The following TTN variants were observed in gnomAD, a reference collection of about 807,000 sequenced individuals.
TTN encodes titin.
In TTN, 1,525 loss-of-function variants were observed where a neutral mutation model predicts 3,223.0. The observed-to-expected ratio is 0.47, with a 90% CI of 0.45 to 0.49. The LOEUF (loss-of-function observed/expected upper bound fraction) is 0.49. Among genes scored for constraint, TTN ranks in the 20% least tolerant of loss-of-function variants. The probability of loss-of-function intolerance (pLI) is 0.00; values close to 1 mark genes in which losing one functional copy is unlikely to be tolerated. For synonymous variants in TTN, 14,094 were observed against 15,161.0 expected (o/e 0.93, Z 5.17); for missense variants, 40,786 against 43,424.0 (o/e 0.94, Z 5.40).
At chr2:178,597,480 G>T in intron 294 of TTN, 58 bp downstream of exon 294, 1 of 1,538,506 alleles carries the variant, frequency 6.5e-7, no homozygotes, top group Non-Finnish European at 8.8e-7. Flanking sequence ...ATAGCTTTGT[G>T]TAAATATAAT....
chr2:178,701,044 G>A (rs2154288863), intron 111 of TTN, 76 bp downstream of exon 111: 2 of 1,401,114 alleles, frequency 1.4e-6, no homozygotes, highest in Admixed American at 1.8e-5. Context: ...GGGCCAATGC[G>A]TTGTATTAAG....
intron 341 of TTN, 32 bp from the exon 342 acceptor site, chr2:178,546,534 A>G (rs767622935): frequency 1.3e-5 from 20 of 1,598,820 alleles, no homozygotes; most frequent in Non-Finnish European, 1.6e-5. Context: ...ATGAATGAAT[A>G]TCTGAGAGTT....
chr2:178,734,570 T>C lies in TTN; in HGVS notation c.15254A>G (p.Asp5085Gly). The C allele has an allele frequency of 1.3e-6, 2 of 1,587,348 alleles. No homozygotes were observed. The highest frequency in any genetic ancestry group is 1.7e-6 in the Non-Finnish European group (2 of 1,166,418). ...TAGAGCATTTGTTCCTCTCACTATGTCTGCAGGCTCAAGAGTTTTGATGAA... is the reference window on the plus strand; with the variant it reads ...TAGAGCATTTGTTCCTCTCACTATGCCTGCAGGCTCAAGAGTTTTGATGAA... Reference protein sequence around the residue: ...PSFIKTLEPADIVRGTNALLQ... With the variant: ...PSFIKTLEPAGIVRGTNALLQ... The change falls in exon 52 of 363, where the codon GAC becomes GGC. Residue 5085 changes from aspartate to glycine, a missense_variant. Physicochemically the swap from Asp to Gly is moderately conservative, Grantham distance 94. Transcript: ENST00000589042.
Position 178,606,968 on chromosome 2 carries a change from A to G in TTN, c.53581+53T>C, listed in dbSNP as rs184138990. ...GAAGCCATAAAGCTCAGTAAATAAT[A>G]TAACTAGAAGCAAAACATTACTCTA... On this transcript the variant is annotated intron_variant, in intron 278 of 362. Coordinates refer to ENST00000589042, the MANE Select transcript of TTN (RefSeq NM_001267550.2). 5 of 1,562,800 alleles carry G rather than the reference A, an allele frequency of 3.2e-6. No homozygotes were observed. In the East Asian group the frequency reaches 9.1e-5, roughly 28 times the overall value.
Position 178,706,697 on chromosome 2 carries a change from A to G in TTN, c.29177T>C (p.Ile9726Thr). 6.2e-7 allele frequency: 1 copy of G among 1,612,926 alleles called. No individual in the cohort carries two copies. Among genetic ancestry groups the G allele is most frequent in the Non-Finnish European group, 8.5e-7 (1 of 1,179,112 alleles). ...TFIAKVGGDP[I>T]PNVKWTKGKW... ...CCCTTTTGTCCATTTAACATTTGGGATTGGGTCACCTCCAACTTTTGCAAT... is the reference window on the plus strand; with the variant it reads ...CCCTTTTGTCCATTTAACATTTGGGGTTGGGTCACCTCCAACTTTTGCAAT... The change falls in exon 102 of 363, where the codon ATC becomes ACC. Residue 9726 changes from isoleucine to threonine, a missense_variant. Transcript: ENST00000589042.
At chr2:178,540,026 C>G in intron 351 of TTN, 42 bp downstream of exon 351, 1 of 1,598,068 alleles carries the variant, frequency 6.3e-7, no homozygotes, top group Non-Finnish European at 8.5e-7. Context: ...AGAAATAAGT[C>G]TATGGCAATT....
chr2:178,529,107 T>G lies in TTN; in HGVS notation c.106644A>C (p.Glu35548Asp). Residue 35548 changes from glutamate to aspartate, a missense_variant, in exon 360 of 363, where the codon GAA becomes GAC. By Grantham distance (45) the Glu-to-Asp change is conservative (BLOSUM62 2). Transcript: ENST00000589042. ...ATTTTGCCTCTGACATCTTAATTTC[T>G]TCAGACCTTAGGGCTTTTTGGGAAA... The part of the protein sequence containing the change: ...EEISQKALRS[E>D]EIKMSEAKSQ... The G allele has an allele frequency of 6.2e-7, 1 of 1,610,674 alleles. No individual in the cohort carries two copies. The highest frequency in any genetic ancestry group is 8.5e-7 in the Non-Finnish European group (1 of 1,178,488).
At chr2:178,627,982 C>T (rs1291787201) in intron 240 of TTN, among the ~76,000 whole-genome samples, 3 of 151,958 alleles carry the variant, frequency 2.0e-5, no homozygotes, top group Non-Finnish European at 4.4e-5. Flanking sequence ...AGGTGCCTCC[C>T]TCAGTTCAAT....
rs751447529 is a variant in TTN at position 178,692,047 on chromosome 2, C to T, written c.31731G>A (p.Val10577=). The T allele has an allele frequency of 6.8e-6, 11 of 1,613,050 alleles. No homozygotes were observed. The highest frequency in any genetic ancestry group is 8.5e-6 in the Non-Finnish European group (10 of 1,179,356). ...PVPEEKKPVP[V]PKKEPAAPPK... ...GGGGAGCAGCAGGTTCCTTCTTAGG[C>T]ACAGGAACTGGCTTTTTCTCCTCTG... Residue 10577 remains valine (V), a synonymous_variant, in exon 121 of 363, where the codon GTG becomes GTA. Transcript: ENST00000589042.
At chr2:178,587,825 A>G (rs968657165) in intron 305 of TTN, 25 bp from the exon 306 acceptor site, 1 of 1,571,098 alleles carries the variant, frequency 6.4e-7, no homozygotes, top group Non-Finnish European at 8.6e-7. Context: ...AAGGTCATTA[A>G]TTGATTTTTC....
intron 278 of TTN, among the ~76,000 whole-genome samples, chr2:178,606,583 C>T (rs1383625295): frequency 6.6e-6 from 1 of 151,894 alleles, no homozygotes; most frequent in East Asian, 2.0e-4. Context: ...CCTCTCTATC[C>T]TTCCAGTATG....
At position 178,673,640 on chromosome 2, in the gene TTN, TG is replaced by T; in HGVS notation, c.34778del (p.Pro11593GlnfsTer68). 6.3e-7 allele frequency: 1 copy of T among 1,593,990 alleles called. No individual in the cohort carries two copies. Among genetic ancestry groups the T allele is most frequent in the Admixed American group, 1.8e-5 (1 of 56,502 alleles). On this transcript the variant is annotated frameshift_variant, in exon 152 of 363. Coordinates refer to ENST00000589042, the MANE Select transcript of TTN (RefSeq NM_001267550.2). LOFTEE classifies it high-confidence loss of function. ...AATGAGGATTTGATATACCTTTAGC[TG>T]GTGGTGCCTCCACTTTTTTAGGAAC... ...TPVPKKVEAP[P>X]AKVSKKIPEE...
Position 178,635,518 on chromosome 2 carries a change from T to G in TTN, c.41806A>C (p.Asn13936His). 3 of 1,600,644 alleles carry G rather than the reference T, an allele frequency of 1.9e-6. No individual in the cohort carries two copies. Among genetic ancestry groups the G allele is most frequent in the Non-Finnish European group, 2.6e-6 (3 of 1,172,526 alleles). Residue 13936 changes from asparagine to histidine, a missense_variant, in exon 227 of 363, where the codon AAT becomes CAT. Physicochemically the swap from Asn to His is moderately conservative, Grantham distance 68 (BLOSUM62 1). Coordinates refer to ENST00000589042, the MANE Select transcript of TTN (RefSeq NM_001267550.2). ...TCAGCAATATCTTCTGGCATAGCATTCTTAATTTTGAGGTACAGATGATTT... is the reference window on the plus strand; with the variant it reads ...TCAGCAATATCTTCTGGCATAGCATGCTTAATTTTGAGGTACAGATGATTT... ...DGNHLYLKIK[N>H]AMPEDIAEYA... is the part of the protein sequence containing the mutation.
In TTN at chr2:178,553,127, T is replaced by A. The variant is rs780250655; in HGVS notation, c.89773A>T (p.Thr29925Ser). 1 of 1,612,494 alleles carries A rather than the reference T, an allele frequency of 6.2e-7. No individual in the cohort carries two copies. Among genetic ancestry groups the A allele is most frequent in the South Asian group, 1.1e-5 (1 of 91,038 alleles). ...GTGTCAAGCACTTTAACACTCACAGTTGAAGACTTAGGTTCACCAACTCCA... is the reference window on the plus strand; with the variant it reads ...GTGTCAAGCACTTTAACACTCACAGATGAAGACTTAGGTTCACCAACTCCA... The part of the protein sequence containing the change: ...ENGVGEPKSS[T>S]VSVKVLDTPA... Residue 29925 changes from threonine (T) to serine (S), a missense_variant, in exon 335 of 363, where the codon ACT (threonine) becomes TCT (serine). Physicochemically the swap from Thr to Ser is moderately conservative, Grantham distance 58. Transcript: ENST00000589042.
Position 178,620,414 on chromosome 2 carries a change from A to C in TTN, c.46107T>G (p.Gly15369=), listed in dbSNP as rs1297146300. The change falls in exon 248 of 363, where the codon GGT becomes GGG. Residue 15369 remains glycine, a synonymous_variant. Coordinates refer to ENST00000589042, the MANE Select transcript of TTN (RefSeq NM_001267550.2). The stretch of plus-strand genomic sequence containing the variant: ...CTTGTCCAGCAGTGACAATGTATTC[A>C]CCTTCATCTGGGAAGCCACAGTCTT... ...TIKDCGFPDE[G]EYIVTAGQDK... 1 of 1,612,220 alleles carries C rather than the reference A, an allele frequency of 6.2e-7. No homozygotes were observed. The highest frequency in any genetic ancestry group is 1.1e-5 in the South Asian group (1 of 90,982).
Position 178,702,076 on chromosome 2 carries a change from A to T in TTN, c.30512-10T>A, listed in dbSNP as rs1577668305. The stretch of plus-strand genomic sequence containing the variant: ...AGCTCAAGTTTGATTTCTGCAAAAT[A>T]AAAAAAAAATGATATTTTTGTGTTC... On this transcript the variant is annotated splice_polypyrimidine_tract_variant and intron_variant, in intron 108 of 362. Transcript: ENST00000589042. 3 of 1,385,856 alleles carry T rather than the reference A, an allele frequency of 2.2e-6. No homozygotes were observed. The highest frequency in any genetic ancestry group is 5.0e-5 in the East Asian group (2 of 39,868). 85.8% of individuals were successfully genotyped at this position (1,385,856 alleles called of 1,614,324 possible). A position where few individuals can be genotyped will look rare whatever the true frequency, so the allele number is the denominator to read the frequency against.
chr2:178,748,834 T>G, intron 47 of TTN: 1 of 1,612,168 alleles, frequency 6.2e-7, no homozygotes, highest in Non-Finnish European at 8.5e-7. Context: ...ATGAATCTGA[T>G]TCAGTATTTG....
chr2:178,759,229 T>C, intron 43 of TTN, 57 bp from the exon 44 acceptor site: 4 of 1,560,120 alleles, frequency 2.6e-6, no homozygotes, highest in Non-Finnish European at 2.6e-6. Flanking sequence ...ATTTTTACAA[T>C]TTACCTGCAA....
Position 178,529,954 on chromosome 2 carries a change from AC to A in TTN, c.106531+5del. 1 of 1,585,058 alleles carries A rather than the reference AC, an allele frequency of 6.3e-7. No homozygotes were observed. Reference sequence around the variant, plus strand: ...GAAATGTGGGTAAAAACAAAAGCCAACCTACCTTTTATTGTTAATTTGCAGC... The same window carrying A: ...GAAATGTGGGTAAAAACAAAAGCCAACTACCTTTTATTGTTAATTTGCAGC... On this transcript the variant is annotated splice_donor_5th_base_variant and intron_variant, in intron 359 of 362. Transcript: ENST00000589042.
Sources: allele counts gnomAD v4.1 joint callset (sites outside exome capture counted in the v4.1 genomes callset), GRCh38; gene constraint gnomAD v4.1.1; transcripts MANE v1.5; gene names NCBI Gene and HGNC (gene_info 2026-07-23, HGNC 2026-07-21).